Variants in AIF1L observed in about 807,000 individuals in gnomAD.
The protein encoded by AIF1L is allograft inflammatory factor 1-like.
A neutral mutation model predicts 20.7 loss-of-function variants in AIF1L; 12 were observed. The ratio of observed to expected loss-of-function variants is 0.58; its 90% CI spans 0.37 to 0.94. AIF1L has a LOEUF of 0.94. Among genes scored for constraint, AIF1L ranks in the 40% least tolerant of loss-of-function variants. AIF1L has a pLI of 0.01. For synonymous variants in AIF1L, 76 were observed against 65.1 expected (o/e 1.17, Z -0.81); for missense variants, 173 against 185.3 (o/e 0.93, Z 0.39).
In AIF1L at chr9:131,115,220, C is replaced by T. The variant is rs541156086; in HGVS notation, c.202+602C>T. Reference sequence around the variant, plus strand: ...ATCCCAGCACTTTGGGAGGCCAAGGCGTGGGGATCACCTGAGGTCAGGAGT... The same window carrying T: ...ATCCCAGCACTTTGGGAGGCCAAGGTGTGGGGATCACCTGAGGTCAGGAGT... On this transcript the variant is annotated intron_variant, in intron 4 of 5. Transcript: ENST00000247291. 7.2e-5 allele frequency among the ~76,000 whole-genome samples: 11 copies of T among 152,150 alleles called. No homozygotes were observed. The East Asian group carries it at 1.4e-3, about 19-fold the overall frequency.
chr9:131,107,953 GA>G (rs1830787212), intron 2 of AIF1L: 1 of 152,220 alleles, frequency 6.6e-6, no homozygotes, highest in African/African-American at 2.4e-5. Flanking sequence ...AAGAGGAAAG[GA>G]AGTCCTCGAC....
At chr9:131,101,408 G>A (rs1336646879) in intron 2 of AIF1L, among the ~76,000 whole-genome samples, 1 of 151,898 alleles carries the variant, frequency 6.6e-6, no homozygotes, top group Non-Finnish European at 1.5e-5. Flanking sequence ...GTGCAGTGGT[G>A]TGATCTCGGC....
intron 2 of AIF1L, among the ~76,000 whole-genome samples, chr9:131,105,205 G>C (rs982789611): frequency 6.6e-6 from 1 of 152,174 alleles, no homozygotes; most frequent in African/African-American, 2.4e-5. Context: ...GGCTGGTGGA[G>C]TCCTGTTCCT....
At position 131,118,645 on chromosome 9, in the gene AIF1L, C is replaced by T. The variant is rs375995890; in HGVS notation, c.365+727C>T. 4.0e-5 allele frequency among the ~76,000 whole-genome samples: 6 copies of T among 151,700 alleles called. No homozygotes were observed. The East Asian group carries it at 9.7e-4, about 25-fold the overall frequency. On this transcript the variant is annotated intron_variant, in intron 5 of 5. Transcript: ENST00000247291. ...CACTGCAACCTCCGCCTCCTGAGCT[C>T]AAGTGATTCTCCTGCCTCAGCCTCC... is the stretch of plus-strand genomic sequence containing the variant.
chr9:131,110,530 G>C (rs1399695243), intron 2 of AIF1L, among the ~76,000 whole-genome samples: 1 of 146,746 alleles, frequency 6.8e-6, no homozygotes, highest in South Asian at 2.2e-4. Context: ...TTAAGATGGA[G>C]TCTCTCTCTG....
rs1588176508 is a variant in AIF1L, at chr9:131,096,548, G to A, written c.-82G>A. 16 of 1,455,720 alleles carry A rather than the reference G, an allele frequency of 1.1e-5. No homozygotes were observed. Among genetic ancestry groups the A allele is most frequent in the Non-Finnish European group, 1.4e-5 (16 of 1,106,958 alleles). The allele number at this position is 1,455,720 out of a possible 1,614,324, so 90.2% of individuals were successfully genotyped here. The stretch of plus-strand genomic sequence containing the variant: ...CCGCGGCCACACGCAGCTAGCCGGA[G>A]CCCGGACCAGGCGCCTGTGCCTCCT... On this transcript the variant is annotated 5_prime_UTR_variant, in exon 1 of 6. Coordinates refer to ENST00000247291, the MANE Select transcript of AIF1L (RefSeq NM_031426.4).
intron 5 of AIF1L, among the ~76,000 whole-genome samples, chr9:131,119,605 C>T (rs1831093307): frequency 6.6e-6 from 1 of 152,134 alleles, no homozygotes; most frequent in Admixed American, 6.5e-5. Context: ...ATACCTGTCT[C>T]ATTTTACAAA....
At position 131,122,352 on chromosome 9, in the gene AIF1L, G is replaced by C. The variant is rs920334248; in HGVS notation, c.*2030G>C. ...TGAGGTTATTTGGCCATGACTGGCT[G>C]ATCTTGAGCTCAAGGATCTGCTTCA... On this transcript the variant is annotated 3_prime_UTR_variant, in exon 6 of 6. Transcript: ENST00000247291. 2.0e-5 allele frequency: 3 copies of C among 152,618 alleles called. No homozygotes were observed. Among genetic ancestry groups the C allele is most frequent in the Non-Finnish European group, 2.9e-5 (2 of 68,036 alleles). The allele number at this position is 152,618 out of a possible 1,614,324, so 9.5% of individuals were successfully genotyped here. A position where few individuals can be genotyped will look rare whatever the true frequency, so the allele number is the denominator to read the frequency against.
chr9:131,108,600 A>G (rs993576611), intron 2 of AIF1L, among the ~76,000 whole-genome samples: 1 of 152,228 alleles, frequency 6.6e-6, no homozygotes, highest in Non-Finnish European at 1.5e-5. Flanking sequence ...TTAGTGAGAT[A>G]GCACAGTGTC....
chr9:131,116,577 A>T (rs987517883), intron 4 of AIF1L, among the ~76,000 whole-genome samples: 3 of 152,176 alleles, frequency 2.0e-5, no homozygotes, highest in East Asian at 3.8e-4. Context: ...TTTCTTTTGA[A>T]ATATAGTTAA....
At chr9:131,101,657 T>A (rs1188697406) in intron 2 of AIF1L, among the ~76,000 whole-genome samples, 3 of 152,040 alleles carry the variant, frequency 2.0e-5, no homozygotes, top group Non-Finnish European at 4.4e-5. Context: ...GACTTCCATT[T>A]TAGAGATGAG....
chr9:131,102,108 T>C (rs1830651155), intron 2 of AIF1L, among the ~76,000 whole-genome samples: 1 of 152,116 alleles, frequency 6.6e-6, no homozygotes, highest in Admixed American at 6.5e-5. Context: ...AGACAGGGTT[T>C]CACCATGTTG....
rs1159398435 is a variant in AIF1L at position 131,122,909 on chromosome 9, C to CT, written c.*2589dup. Reference sequence around the variant, plus strand: ...GGTTGTGGCTCTTGGTTCTAGGACTCTTACTTCTCTGGCTAAGGGCTCAGC... The same window carrying CT: ...GGTTGTGGCTCTTGGTTCTAGGACTCTTTACTTCTCTGGCTAAGGGCTCAGC... On this transcript the variant is annotated 3_prime_UTR_variant, in exon 6 of 6. Transcript: ENST00000247291. The CT allele has an allele frequency of 6.6e-6, 1 of 152,310 alleles. No individual in the cohort carries two copies. Among genetic ancestry groups the CT allele is most frequent in the African/African-American group, 2.4e-5 (1 of 41,444 alleles). 9.4% of individuals were successfully genotyped at this position (152,310 alleles called of 1,614,324 possible). A position where few individuals can be genotyped will look rare whatever the true frequency, so the allele number is the denominator to read the frequency against.
chr9:131,120,262 C>T lies in AIF1L; in HGVS notation c.393C>T (p.Asn131=), dbSNP rs534994935. ...TCATGATGTTTGAAGGAAAAGCCAA[C>T]GAGAGCAGCCCCAAGCCAGTTGGCC... ...KLVMMFEGKA[N]ESSPKPVGPP... Residue 131 remains asparagine (N), a synonymous_variant, in exon 6 of 6, where the codon AAC becomes AAT. Coordinates refer to ENST00000247291, the MANE Select transcript of AIF1L (RefSeq NM_031426.4). The T allele has an allele frequency of 1.9e-5, 31 of 1,613,880 alleles. No homozygotes were observed. The highest frequency in any genetic ancestry group is 2.3e-5 in the Non-Finnish European group (27 of 1,179,964).
chr9:131,104,296 G>A (rs1034020076), intron 2 of AIF1L, among the ~76,000 whole-genome samples: 5 of 152,148 alleles, frequency 3.3e-5, no homozygotes, highest in Non-Finnish European at 5.9e-5. Context: ...TTGTCTTTGG[G>A]GACAGTGGGT....
rs1831165637 is a variant in AIF1L at position 131,122,639 on chromosome 9, A to G, written c.*2317A>G. ...GAGGAAGGCAGAACCAGTCAGGCTT[A>G]TTTCAGTAAGTTCCACAGTTCTACA... is the stretch of plus-strand genomic sequence containing the variant. On this transcript the variant is annotated 3_prime_UTR_variant, in exon 6 of 6. Transcript: ENST00000247291. 6.6e-6 allele frequency: 1 copy of G among 152,118 alleles called. No homozygotes were observed. The highest frequency in any genetic ancestry group is 1.5e-5 in the Non-Finnish European group (1 of 68,030). The allele number at this position is 152,118 out of a possible 1,614,324, so 9.4% of individuals were successfully genotyped here.
rs138469881 is a variant in AIF1L, at chr9:131,113,708, C to T, written c.161-869C>T. ...AAAGAAAGGGTGGGGAGCCCTGAAG[C>T]CATGAGGAAGGGTGCTGAGAATACT... On this transcript the variant is annotated intron_variant, in intron 3 of 5. Coordinates refer to ENST00000247291, the MANE Select transcript of AIF1L (RefSeq NM_031426.4). Among the ~76,000 whole-genome samples, 22 of 152,120 alleles carry T rather than the reference C, an allele frequency of 1.4e-4. 1 individual carries two copies. The East Asian group carries it at 3.7e-3, about 26-fold the overall frequency.
intron 2 of AIF1L, among the ~76,000 whole-genome samples, chr9:131,105,719 G>A (rs1323300095): frequency 6.6e-6 from 1 of 152,158 alleles, no homozygotes; most frequent in Non-Finnish European, 1.5e-5. Flanking sequence ...TCATGCGTGG[G>A]CACACACTTT....
rs1461707615 is a variant in AIF1L, at chr9:131,106,279, C to A, written c.94-5318C>A. ...CTGCTGTTTCAGGCAAGTTAGTTAA[C>A]CTGAGTCTCAACTCCTCCACTCATC... On this transcript the variant is annotated intron_variant, in intron 2 of 5. Transcript: ENST00000247291. 3.3e-6 allele frequency: 5 copies of A among 1,494,560 alleles called. No individual in the cohort carries two copies. The East Asian group carries it at 9.8e-5, about 29-fold the overall frequency. 92.6% of individuals were successfully genotyped at this position (1,494,560 alleles called of 1,614,324 possible).
Sources: allele counts gnomAD v4.1 joint callset (sites outside exome capture counted in the v4.1 genomes callset), GRCh38; gene constraint gnomAD v4.1.1; transcripts MANE v1.5; gene names NCBI Gene and HGNC (gene_info 2026-07-23, HGNC 2026-07-21).